Variants in PPARA observed in about 807,000 individuals in gnomAD.
PPARA encodes peroxisome proliferator-activated receptor alpha.
A neutral mutation model predicts 42.2 loss-of-function variants in PPARA; 22 were observed. The observed-to-expected ratio is 0.52, with a 90% CI of 0.37 to 0.74. PPARA has a LOEUF of 0.74. Ranked by LOEUF, PPARA falls within the 30% of genes least tolerant of loss-of-function variation. The pLI is 0.00. For synonymous variants in PPARA, 242 were observed against 239.3 expected, an observed-to-expected ratio of 1.01 and a Z score of -0.10; for missense variants, 465 against 608.2, an observed-to-expected ratio of 0.76 and a Z score of 2.48.
rs991463459 is a variant in PPARA, at chr22:46,222,325, G to A, written c.711+2311G>A. On this transcript the variant is annotated intron_variant, in intron 7 of 8. Transcript: ENST00000407236. The surrounding 1 kb of genome is among the most constrained non-coding windows in gnomAD (Gnocchi z 5.9). ...CTCAGTTGGTGAATGAAGATACTTT[G>A]ACATTTTCCTATGAGCATGGTGAAA... Among the ~76,000 whole-genome samples, 2 of 152,146 alleles carry A rather than the reference G, an allele frequency of 1.3e-5. No homozygotes were observed. The highest frequency in any genetic ancestry group is 6.5e-5 in the Admixed American group (1 of 15,274).
chr22:46,177,489 G>A (rs1337761500), intron 3 of PPARA, among the ~76,000 whole-genome samples: 1 of 151,370 alleles, frequency 6.6e-6, no homozygotes, highest in Admixed American at 6.6e-5. Context: ...AAAATCGATA[G>A]TATCATATCC....
Position 46,235,343 on chromosome 22 carries a change from AC to A in PPARA, c.1373del (p.Pro458ArgfsTer56). ...IKKTESDAAL[H>X]PLLQEIYRDM... ...AAGACGGAGTCGGATGCTGCGCTGCACCCGCTACTGCAGGAGATCTACAGGG... is the reference window on the plus strand; with the variant it reads ...AAGACGGAGTCGGATGCTGCGCTGCACCGCTACTGCAGGAGATCTACAGGG... On this transcript the variant is annotated frameshift_variant, in exon 9 of 9. Coordinates refer to ENST00000407236, the MANE Select transcript of PPARA (RefSeq NM_005036.6). LOFTEE classifies it high-confidence loss of function. This position sits in a 1 kb window ranked among gnomAD's most constrained non-coding sequence, Gnocchi z 7.0. 1 of 1,613,976 alleles carries A rather than the reference AC, an allele frequency of 6.2e-7. No homozygotes were observed. Among genetic ancestry groups the A allele is most frequent in the Non-Finnish European group, 8.5e-7 (1 of 1,179,976 alleles).
chr22:46,227,727 A>G lies in PPARA; in HGVS notation c.712-4065A>G, dbSNP rs780313964. ...GAAAATCTAGGCAGCTTCCTGCCTCACGCTGTTTAAAACCTTTATAATGTG... is the reference window on the plus strand; with the variant it reads ...GAAAATCTAGGCAGCTTCCTGCCTCGCGCTGTTTAAAACCTTTATAATGTG... On this transcript the variant is annotated intron_variant, in intron 7 of 8. Transcript: ENST00000407236. This position sits in a 1 kb window ranked among gnomAD's most constrained non-coding sequence, Gnocchi z 4.3. Among the ~76,000 whole-genome samples the G allele has an allele frequency of 3.3e-5, 5 of 152,202 alleles. No individual in the cohort carries two copies. The highest frequency in any genetic ancestry group is 5.9e-5 in the Non-Finnish European group (4 of 68,040).
Position 46,184,926 on chromosome 22 carries a change from G to T in PPARA, c.-43+8090G>T, listed in dbSNP as rs4253689. On this transcript the variant is annotated intron_variant, in intron 3 of 8. Transcript: ENST00000407236. This position sits in a 1 kb window ranked among gnomAD's most constrained non-coding sequence, Gnocchi z 4.4. ...TTTTCCCTCTCAGAAAGCTCGTAGG[G>T]TCTTCTCTTTGTCTCCAGCATGGTC... Among the ~76,000 whole-genome samples, 8 of 152,308 alleles carry T rather than the reference G, an allele frequency of 5.3e-5. No homozygotes were observed. Among genetic ancestry groups the T allele is most frequent in the Admixed American group, 2.0e-4 (3 of 15,304 alleles).
chr22:46,219,423 A>G lies in PPARA; in HGVS notation c.509-389A>G, dbSNP rs1934815078. 6.6e-6 allele frequency among the ~76,000 whole-genome samples: 1 copy of G among 152,228 alleles called. No homozygotes were observed. Among genetic ancestry groups the G allele is most frequent in the African/African-American group, 2.4e-5 (1 of 41,472 alleles). ...TGTGATGTGAATGTAAGTCGTTCAT[A>G]AGAGTTGCATGTCTACCTTCTGGAA... On this transcript the variant is annotated intron_variant, in intron 6 of 8. Transcript: ENST00000407236. This position sits in a 1 kb window ranked among gnomAD's most constrained non-coding sequence, Gnocchi z 4.8.
chr22:46,194,889 CTTTCT>C (rs1932028732), intron 3 of PPARA, among the ~76,000 whole-genome samples: 1 of 134,406 alleles, frequency 7.4e-6, no homozygotes, highest in African/African-American at 2.9e-5. Context: ...TACCTGTTTT[CTTTCT>C]TTTTTTTTTT....
chr22:46,228,976 G>A (rs923817705), intron 7 of PPARA, among the ~76,000 whole-genome samples: 8 of 151,842 alleles, frequency 5.3e-5, no homozygotes, highest in Admixed American at 6.6e-5. Flanking sequence ...GCATGGTGGC[G>A]GGCGCCTGTA....
At chr22:46,218,849 AG>A (rs1934748827) in intron 6 of PPARA, among the ~76,000 whole-genome samples, 1 of 123,734 alleles carries the variant, frequency 8.1e-6, no homozygotes, top group African/African-American at 4.4e-5. Context: ...AAAAAAAAAA[AG>A]AAAAAGAAAG....
Position 46,240,482 on chromosome 22 carries a change from G to A in PPARA, c.*5102G>A. The A allele has an allele frequency of 2.6e-6, 1 of 386,828 alleles. No homozygotes were observed. The highest frequency in any genetic ancestry group is 3.7e-5 in the East Asian group (1 of 27,170). The allele number at this position is 386,828 out of a possible 1,614,324, so 24.0% of individuals were successfully genotyped here. On this transcript the variant is annotated 3_prime_UTR_variant, in exon 9 of 9. Coordinates refer to ENST00000407236, the MANE Select transcript of PPARA (RefSeq NM_005036.6). This position sits in a 1 kb window ranked among gnomAD's most constrained non-coding sequence, Gnocchi z 6.0. ...TGGACTGCCAGCCTCACCCTCTGCA[G>A]TTAGCATGGTTGGCCTGATGCAGGG...
At chr22:46,153,070 G>A (rs1015265123) in intron 2 of PPARA, among the ~76,000 whole-genome samples, 1 of 151,970 alleles carries the variant, frequency 6.6e-6, no homozygotes, top group African/African-American at 2.4e-5. Flanking sequence ...TGGGCGCCAG[G>A]GCGAGACTCC....
chr22:46,186,797 C>T (rs1249929502), intron 3 of PPARA, among the ~76,000 whole-genome samples: 1 of 151,994 alleles, frequency 6.6e-6, no homozygotes, highest in Non-Finnish European at 1.5e-5. Context: ...AAAGAGGATA[C>T]ACTCCAAGCC....
intron 2 of PPARA, among the ~76,000 whole-genome samples, chr22:46,169,213 C>T (rs1040188586): frequency 3.3e-5 from 5 of 151,906 alleles, no homozygotes. Context: ...AACATTGGCT[C>T]ATCAGTGGCA....
rs1663667862 is a variant in PPARA, at chr22:46,234,818, A to G, written c.1160-315A>G. Reference sequence around the variant, plus strand: ...ATGTACTGTTCCTCCTACTAGCTCTAATTTTTCTCCCTGACAGGTGGTCAT... The same window carrying G: ...ATGTACTGTTCCTCCTACTAGCTCTGATTTTTCTCCCTGACAGGTGGTCAT... On this transcript the variant is annotated intron_variant, in intron 8 of 8. Coordinates refer to ENST00000407236, the MANE Select transcript of PPARA (RefSeq NM_005036.6). This position sits in a 1 kb window ranked among gnomAD's most constrained non-coding sequence, Gnocchi z 5.8. 6.6e-6 allele frequency among the ~76,000 whole-genome samples: 1 copy of G among 152,120 alleles called. No homozygotes were observed. The highest frequency in any genetic ancestry group is 2.4e-5 in the African/African-American group (1 of 41,410).
chr22:46,178,259 C>G (rs1027626502), intron 3 of PPARA, among the ~76,000 whole-genome samples: 4 of 152,156 alleles, frequency 2.6e-5, no homozygotes, highest in Non-Finnish European at 5.9e-5. Context: ...TGGCTGTGGC[C>G]TTGTAACCAA....
Position 46,173,791 on chromosome 22 carries a change from G to A in PPARA, c.-126-2962G>A, listed in dbSNP as rs1928458936. Among the ~76,000 whole-genome samples the A allele has an allele frequency of 6.6e-6, 1 of 152,138 alleles. No homozygotes were observed. Among genetic ancestry groups the A allele is most frequent in the African/African-American group, 2.4e-5 (1 of 41,432 alleles). On this transcript the variant is annotated intron_variant, in intron 2 of 8. Transcript: ENST00000407236. The surrounding 1 kb of genome is among the most constrained non-coding windows in gnomAD (Gnocchi z 4.3). ...AAGCGAAGTGTTCTGTGGTGTGTAGGAGCACACTGCCATTCTTAGCAAACG... is the reference window on the plus strand; with the variant it reads ...AAGCGAAGTGTTCTGTGGTGTGTAGAAGCACACTGCCATTCTTAGCAAACG...
chr22:46,193,053 G>T lies in PPARA; in HGVS notation c.-42-5289G>T, dbSNP rs1215055323. Among the ~76,000 whole-genome samples, 1 of 151,922 alleles carries T rather than the reference G, an allele frequency of 6.6e-6. No homozygotes were observed. Among genetic ancestry groups the T allele is most frequent in the Admixed American group, 6.6e-5 (1 of 15,208 alleles). The stretch of plus-strand genomic sequence containing the variant: ...AGAAAGAATGAATAAGACCCACTAG[G>T]TTTTTTGTTGTTTTGTTGTTGTTGT... On this transcript the variant is annotated intron_variant, in intron 3 of 8. Coordinates refer to ENST00000407236, the MANE Select transcript of PPARA (RefSeq NM_005036.6). This position sits in a 1 kb window ranked among gnomAD's most constrained non-coding sequence, Gnocchi z 5.3.
chr22:46,218,576 G>C (rs947946363), intron 6 of PPARA, among the ~76,000 whole-genome samples, 175 bp downstream of exon 6: 1 of 152,146 alleles, frequency 6.6e-6, no homozygotes, highest in East Asian at 1.9e-4. Flanking sequence ...GTTCACGCCT[G>C]TAATCCCAGC....
chr22:46,217,055 G>C (rs907905666), intron 5 of PPARA, among the ~76,000 whole-genome samples: 1 of 152,154 alleles, frequency 6.6e-6, no homozygotes, highest in African/African-American at 2.4e-5. Context: ...TGGCCTCAGA[G>C]GCCTGGGCCA....
chr22:46,214,673 C>T (rs1048039621), intron 4 of PPARA, among the ~76,000 whole-genome samples: 4 of 134,140 alleles, frequency 3.0e-5, no homozygotes, highest in African/African-American at 1.2e-4. Flanking sequence ...TCCGGAGACG[C>T]GCGGGTCCGG....
Sources: gnomAD v4.1 joint callset for allele counts (sites outside exome capture counted in the v4.1 genomes callset) on GRCh38, gnomAD v4.1.1 for gene constraint, Gnocchi (gnomAD v3.1) non-coding constraint, MANE v1.5 for transcripts, NCBI Gene and HGNC (gene_info 2026-07-23, HGNC 2026-07-21) for gene names.